Variants in POT1 observed in about 807,000 individuals in gnomAD.
POT1 encodes protection of telomeres 1.
Under a neutral mutation model 78.5 loss-of-function variants are expected in POT1, and 47 were observed. The ratio of observed to expected loss-of-function variants is 0.60; its 90% CI spans 0.47 to 0.76. The LOEUF (loss-of-function observed/expected upper bound fraction) is 0.76. Among genes scored for constraint, POT1 ranks in the 30% least tolerant of loss-of-function variants. The pLI is 0.00. For missense variants in POT1, 646 were observed against 749.9 expected (o/e 0.86, Z 1.62); for synonymous variants, 259 against 260.7 (o/e 0.99, Z 0.06).
At chr7:124,926,720 A>G (rs1036798520) in intron 2 of POT1, among the ~76,000 whole-genome samples, 1 of 152,200 alleles carries the variant, frequency 6.6e-6, no homozygotes. Flanking sequence ...AAAAAGTCAC[A>G]TATGTACACA....
At position 124,835,389 on chromosome 7, in the gene POT1, T is replaced by A; in HGVS notation, c.1395A>T (p.Lys465Asn). The change falls in exon 15 of 19, where the codon AAA becomes AAT. Residue 465 changes from lysine (K) to asparagine (N), a missense_variant. Physicochemically the swap from Lys to Asn is moderately conservative, Grantham distance 94. Coordinates refer to ENST00000357628, the MANE Select transcript of POT1 (RefSeq NM_015450.3). ...TTACACTATTAAACTTGTTCGAGAG[T>A]TTGCAAATTTCACTGAGTGTACCTC... ...IEGGTLSEIC[K>N]LSNKFNSVIP... 1 of 1,613,284 alleles carries A rather than the reference T, an allele frequency of 6.2e-7. No individual in the cohort carries two copies. Among genetic ancestry groups the A allele is most frequent in the Non-Finnish European group, 8.5e-7 (1 of 1,179,352 alleles).
chr7:124,871,833 T>C (rs1795878494), intron 6 of POT1, among the ~76,000 whole-genome samples: 1 of 152,014 alleles, frequency 6.6e-6, no homozygotes, highest in African/African-American at 2.4e-5. Flanking sequence ...TCATCAAATC[T>C]AGCTAATGAA....
chr7:124,832,005 A>T (rs966292680), intron 15 of POT1, among the ~76,000 whole-genome samples: 27 of 125,620 alleles, frequency 2.1e-4, no homozygotes, highest in Admixed American at 7.6e-4. Flanking sequence ...AAAATAAAAA[A>T]AAAAAAAAAA....
intron 2 of POT1, among the ~76,000 whole-genome samples, chr7:124,917,485 C>T (rs1212365641): frequency 6.6e-6 from 1 of 151,962 alleles, no homozygotes; most frequent in Non-Finnish European, 1.5e-5. Flanking sequence ...ATGCACCAAA[C>T]TAAAGGCCTA....
At chr7:124,864,746 A>G (rs912648099) in intron 7 of POT1, among the ~76,000 whole-genome samples, 29 of 152,072 alleles carry the variant, frequency 1.9e-4, no homozygotes, top group Non-Finnish European at 4.1e-4. Flanking sequence ...TATCCCATCC[A>G]TCCTTTGTGT....
chr7:124,832,172 T>C (rs1161814289), intron 15 of POT1, among the ~76,000 whole-genome samples: 1 of 149,366 alleles, frequency 6.7e-6, no homozygotes, highest in African/African-American at 2.5e-5. Flanking sequence ...GATAGTAGGA[T>C]TGCTTGAGCC....
At chr7:124,906,153 GATTATAA>G (rs1796760376) in intron 3 of POT1, among the ~76,000 whole-genome samples, 1 of 152,114 alleles carries the variant, frequency 6.6e-6, no homozygotes, top group Admixed American at 6.6e-5. Flanking sequence ...ATAGCCAAAG[GATTATAA>G]ATCATGCTAC....
chr7:124,824,756 C>A (rs1158607791), intron 18 of POT1, among the ~76,000 whole-genome samples: 1 of 151,948 alleles, frequency 6.6e-6, no homozygotes, highest in Non-Finnish European at 1.5e-5. Context: ...ATAAGCAGTA[C>A]AATTTGAAAT....
chr7:124,837,563 A>C (rs1453740703), intron 14 of POT1, among the ~76,000 whole-genome samples: 1 of 152,146 alleles, frequency 6.6e-6, no homozygotes, highest in Non-Finnish European at 1.5e-5. Flanking sequence ...ATGTCTATAG[A>C]GAAATTAAAT....
At chr7:124,883,578 C>T (rs1347752775) in intron 6 of POT1, among the ~76,000 whole-genome samples, 1 of 151,918 alleles carries the variant, frequency 6.6e-6, no homozygotes, top group African/African-American at 2.4e-5. Flanking sequence ...AGAGGACAAC[C>T]TTACGGTTCT....
intron 15 of POT1, among the ~76,000 whole-genome samples, chr7:124,831,198 G>A (rs752893188): frequency 2.0e-5 from 3 of 152,142 alleles, no homozygotes; most frequent in East Asian, 1.9e-4. Flanking sequence ...AGTGAACTTG[G>A]TAGAAACTAA....
At chr7:124,832,603 T>G (rs1475654632) in intron 15 of POT1, among the ~76,000 whole-genome samples, 1 of 152,030 alleles carries the variant, frequency 6.6e-6, no homozygotes, top group Non-Finnish European at 1.5e-5. Flanking sequence ...TCACCTAAGG[T>G]CAGGAGGTCA....
chr7:124,837,190 AG>A, intron 14 of POT1: 2 of 302,254 alleles, frequency 6.6e-6, no homozygotes, highest in Non-Finnish European at 6.5e-6. Context: ...CTGTTTACAA[AG>A]GGGATATATC....
intron 8 of POT1, among the ~76,000 whole-genome samples, chr7:124,859,706 C>T (rs1409148988): frequency 5.4e-5 from 8 of 147,704 alleles, no homozygotes; most frequent in East Asian, 2.0e-4. Context: ...CTATAAATGA[C>T]GCCTGGTTAT....
At chr7:124,880,483 A>C (rs1047439221) in intron 6 of POT1, among the ~76,000 whole-genome samples, 14 of 152,098 alleles carry the variant, frequency 9.2e-5, no homozygotes, top group African/African-American at 2.9e-4. Flanking sequence ...GCCAAGATGA[A>C]CTGACAAAGC....
In POT1 at chr7:124,906,469, T is replaced by C. The variant is rs981593336; in HGVS notation, c.-153-8095A>G. ...ACACTTGGACACAGGGTGGGGAACA[T>C]CACACACCGGGGCTTGTCGTAGGGT... On this transcript the variant is annotated intron_variant, in intron 3 of 18. Coordinates refer to ENST00000357628, the MANE Select transcript of POT1 (RefSeq NM_015450.3). Among the ~76,000 whole-genome samples the C allele has an allele frequency of 4.4e-4, 52 of 118,196 alleles. 1 individual carries two copies. The highest frequency in any genetic ancestry group is 9.8e-5 in the Non-Finnish European group (6 of 61,064). 77.5% of individuals were successfully genotyped at this position (118,196 alleles called of 152,430 possible).
chr7:124,891,162 C>T (rs1423086418), intron 6 of POT1, among the ~76,000 whole-genome samples: 1 of 151,732 alleles, frequency 6.6e-6, no homozygotes, highest in Non-Finnish European at 1.5e-5. Context: ...TCTCCCTTCA[C>T]TTCTGAAATG....
At chr7:124,866,729 T>C (rs1389665208) in intron 7 of POT1, among the ~76,000 whole-genome samples, 1 of 152,178 alleles carries the variant, frequency 6.6e-6, no homozygotes, top group Admixed American at 6.5e-5. Context: ...TGGGGCTCAC[T>C]TTATAAGTTT....
chr7:124,878,435 TTAA>T (rs1796041508), intron 6 of POT1, among the ~76,000 whole-genome samples: 1 of 152,196 alleles, frequency 6.6e-6, no homozygotes, highest in Non-Finnish European at 1.5e-5. Context: ...GTGACCATAC[TTAA>T]TAATGATGTA....
Sources: allele counts gnomAD v4.1 joint callset (sites outside exome capture counted in the v4.1 genomes callset), GRCh38; gene constraint gnomAD v4.1.1; transcripts MANE v1.5; gene names NCBI Gene and HGNC (gene_info 2026-07-23, HGNC 2026-07-21).